DERA: variants seen among roughly 807,000 people sequenced by gnomAD.
DERA encodes deoxyribose-phosphate aldolase, also known as 2-deoxy-D-ribose 5-phosphate aldolase.
Under a neutral mutation model 41.1 loss-of-function variants are expected in DERA, and 15 were observed. That is an observed-to-expected ratio of 0.37 (90% CI 0.24 to 0.56). The LOEUF is 0.56. Ranked by LOEUF, DERA falls within the 20% of genes least tolerant of loss-of-function variation. DERA has a pLI of 0.81. For synonymous variants in DERA, 139 were observed against 137.4 expected (o/e 1.01, Z -0.08); for missense variants, 396 against 403.4 (o/e 0.98, Z 0.16).
chr12:16,006,105 C>T (rs1948908868), intron 6 of DERA, among the ~76,000 whole-genome samples: 1 of 152,168 alleles, frequency 6.6e-6, no homozygotes, highest in East Asian at 1.9e-4. Flanking sequence ...TTGTGGAAAA[C>T]CAGCTAATAG....
At chr12:16,002,034 G>T (rs2136173618) in intron 6 of DERA, among the ~76,000 whole-genome samples, 1 of 151,944 alleles carries the variant, frequency 6.6e-6, no homozygotes, top group South Asian at 2.1e-4. Context: ...TGCACAATGT[G>T]CAGGTTAGTT....
At chr12:15,950,550 C>T (rs1362463535) in intron 1 of DERA, among the ~76,000 whole-genome samples, 1 of 152,190 alleles carries the variant, frequency 6.6e-6, no homozygotes, top group Non-Finnish European at 1.5e-5. Flanking sequence ...GGGAATGCAG[C>T]CCAGTAAGTT....
In DERA at chr12:16,021,724, C is replaced by T. The variant is rs1272886636; in HGVS notation, c.638-10818C>T. Among the ~76,000 whole-genome samples the T allele has an allele frequency of 6.6e-6, 1 of 152,220 alleles. No individual in the cohort carries two copies. The highest frequency in any genetic ancestry group is 1.9e-4 in the East Asian group (1 of 5,190). ...GGAGTCAAAGGAGATTATTTTGGAG[C>T]TTTAAGACTTAATGACTGCCCTGCT... On this transcript the variant is annotated intron_variant, in intron 6 of 8. Coordinates refer to ENST00000428559, the MANE Select transcript of DERA (RefSeq NM_015954.4). This position sits in a 1 kb window ranked among gnomAD's most constrained non-coding sequence, Gnocchi z 5.3.
intron 1 of DERA, among the ~76,000 whole-genome samples, chr12:15,933,069 T>C (rs1251413165): frequency 5.3e-5 from 8 of 152,254 alleles, no homozygotes; most frequent in African/African-American, 1.9e-4. Flanking sequence ...CCATTCTTCA[T>C]TGACAGACAC....
rs1948869731 is a variant in DERA at position 16,000,790 on chromosome 12, A to G, written c.637+18354A>G. 2.0e-5 allele frequency among the ~76,000 whole-genome samples: 3 copies of G among 152,248 alleles called. No homozygotes were observed. On this transcript the variant is annotated intron_variant, in intron 6 of 8. Transcript: ENST00000428559. This position sits in a 1 kb window ranked among gnomAD's most constrained non-coding sequence, Gnocchi z 4.8. ...CCTGTTTATTTTTTAATAAAAAGAA[A>G]AAGCATATATGTTACCTCAGAGTCT... is the stretch of plus-strand genomic sequence containing the variant.
chr12:15,946,260 A>T (rs1315141842), intron 1 of DERA, among the ~76,000 whole-genome samples: 1 of 152,182 alleles, frequency 6.6e-6, no homozygotes, highest in Non-Finnish European at 1.5e-5. Flanking sequence ...GTCAGGGAGG[A>T]TTCCCTCTTT....
At chr12:15,955,278 G>A (rs971849762) in intron 1 of DERA, among the ~76,000 whole-genome samples, 12 of 151,046 alleles carry the variant, frequency 7.9e-5, no homozygotes, top group Non-Finnish European at 1.6e-4. Flanking sequence ...CAGCCTGGGC[G>A]ACAGAGAGAC....
intron 6 of DERA, among the ~76,000 whole-genome samples, chr12:16,031,511 G>C (rs189676776): frequency 2.0e-5 from 3 of 152,182 alleles, no homozygotes; most frequent in Non-Finnish European, 4.4e-5. Context: ...GATTTAGTTG[G>C]TCTGGTGTAG....
Position 15,949,739 on chromosome 12 carries a change from G to A in DERA, c.32-7197G>A, listed in dbSNP as rs550657344. On this transcript the variant is annotated intron_variant, in intron 1 of 8. Coordinates refer to ENST00000428559, the MANE Select transcript of DERA (RefSeq NM_015954.4). ...ACTGTCCGACAAGCCCCAGTGAGATGAACCCGGTACCTCAGTTGGAAATGC... is the reference window on the plus strand; with the variant it reads ...ACTGTCCGACAAGCCCCAGTGAGATAAACCCGGTACCTCAGTTGGAAATGC... 1.2e-4 allele frequency among the ~76,000 whole-genome samples: 19 copies of A among 152,302 alleles called. No homozygotes were observed. In the South Asian group the frequency reaches 3.7e-3, roughly 30 times the overall value.
In DERA at chr12:15,996,269, G is replaced by A. The variant is rs1948836839; in HGVS notation, c.637+13833G>A. Among the ~76,000 whole-genome samples the A allele has an allele frequency of 6.6e-6, 1 of 151,886 alleles. No homozygotes were observed. Among genetic ancestry groups the A allele is most frequent in the Non-Finnish European group, 1.5e-5 (1 of 67,980 alleles). ...AACATGGGAAAAGAGGAGTGTATTA[G>A]TTTCTTGGGCTCGCTGTAACAGAGT... On this transcript the variant is annotated intron_variant, in intron 6 of 8. Transcript: ENST00000428559. This position sits in a 1 kb window ranked among gnomAD's most constrained non-coding sequence, Gnocchi z 4.7.
chr12:15,961,155 C>T (rs1218323281), intron 4 of DERA, among the ~76,000 whole-genome samples: 2 of 152,178 alleles, frequency 1.3e-5, no homozygotes, highest in Admixed American at 6.5e-5. Flanking sequence ...TGTCACAGTA[C>T]ATGCAGGACC....
intron 1 of DERA, chr12:15,956,720 G>T (rs1592018045): frequency 1.6e-6 from 1 of 614,844 alleles, no homozygotes; most frequent in African/African-American, 1.8e-5. Context: ...TTTTGCCTTT[G>T]AAAGTAATGG....
intron 6 of DERA, among the ~76,000 whole-genome samples, chr12:16,029,203 G>A (rs1459847674): frequency 6.6e-6 from 1 of 152,206 alleles, no homozygotes; most frequent in Non-Finnish European, 1.5e-5. Flanking sequence ...GGGAGGCTGA[G>A]GTGGGCGGAT....
intron 5 of DERA, among the ~76,000 whole-genome samples, chr12:15,963,955 G>A (rs933252527): frequency 2.6e-5 from 4 of 152,142 alleles, no homozygotes; most frequent in African/African-American, 9.7e-5. Context: ...TGGTTATGAA[G>A]TAGCAAATGT....
In DERA at chr12:16,004,332, C is replaced by G. The variant is rs1206522461; in HGVS notation, c.637+21896C>G. Among the ~76,000 whole-genome samples, 1 of 151,786 alleles carries G rather than the reference C, an allele frequency of 6.6e-6. No individual in the cohort carries two copies. Among genetic ancestry groups the G allele is most frequent in the Non-Finnish European group, 1.5e-5 (1 of 67,998 alleles). On this transcript the variant is annotated intron_variant, in intron 6 of 8. Transcript: ENST00000428559. The surrounding 1 kb of genome is among the most constrained non-coding windows in gnomAD (Gnocchi z 4.2). The stretch of plus-strand genomic sequence containing the variant: ...TAATTCCCCCAGACCCTACATAAAG[C>G]AAAAGGAACCACTGCAGAAAAGAAA...
rs1948180333 is a variant in DERA, at chr12:15,913,701, T to C, written c.31+2287T>C. On this transcript the variant is annotated intron_variant, in intron 1 of 8. Transcript: ENST00000428559. The surrounding 1 kb of genome is among the most constrained non-coding windows in gnomAD (Gnocchi z 4.5). Reference sequence around the variant, plus strand: ...CATTGAGTTCCTTTGAGACTAAACCTGACCCTCATGATTAAAAAGTCTTTA... The same window carrying C: ...CATTGAGTTCCTTTGAGACTAAACCCGACCCTCATGATTAAAAAGTCTTTA... Among the ~76,000 whole-genome samples, 1 of 152,218 alleles carries C rather than the reference T, an allele frequency of 6.6e-6. No individual in the cohort carries two copies. Among genetic ancestry groups the C allele is most frequent in the Non-Finnish European group, 1.5e-5 (1 of 68,026 alleles).
chr12:16,012,040 T>C lies in DERA; in HGVS notation c.638-20502T>C, dbSNP rs1380610611. Among the ~76,000 whole-genome samples the C allele has an allele frequency of 6.6e-6, 1 of 152,220 alleles. No homozygotes were observed. ...CATAAAACATGCATAACTAAGTCAG[T>C]GTTTCCTCAAAAGGGGCAGAGTTTG... On this transcript the variant is annotated intron_variant, in intron 6 of 8. Coordinates refer to ENST00000428559, the MANE Select transcript of DERA (RefSeq NM_015954.4). This position sits in a 1 kb window ranked among gnomAD's most constrained non-coding sequence, Gnocchi z 4.1.
At chr12:15,960,836 A>G (rs919951285) in intron 4 of DERA, among the ~76,000 whole-genome samples, 1 of 152,166 alleles carries the variant, frequency 6.6e-6, no homozygotes, top group South Asian at 2.1e-4. Context: ...CATGTTAGAC[A>G]GAGGCACTAG....
rs990675372 is a variant in DERA, at chr12:15,959,117, C to A, written c.278-712C>A. 1.3e-5 allele frequency among the ~76,000 whole-genome samples: 2 copies of A among 152,052 alleles called. No homozygotes were observed. Among genetic ancestry groups the A allele is most frequent in the South Asian group, 4.2e-4 (2 of 4,798 alleles). On this transcript the variant is annotated intron_variant, in intron 3 of 8. Coordinates refer to ENST00000428559, the MANE Select transcript of DERA (RefSeq NM_015954.4). This position sits in a 1 kb window ranked among gnomAD's most constrained non-coding sequence, Gnocchi z 4.5. ...GCAGGTCTTTTATCCCAAATAAACA[C>A]GTTTAGGTTTGTAGGTAACATACAA...
Sources: allele counts gnomAD v4.1 joint callset (sites outside exome capture counted in the v4.1 genomes callset), GRCh38; gene constraint gnomAD v4.1.1; non-coding constraint Gnocchi (gnomAD v3.1); transcripts MANE v1.5; gene names NCBI Gene and HGNC (gene_info 2026-07-23, HGNC 2026-07-21).